Variants in CASTOR1 observed in about 807,000 individuals in gnomAD.
CASTOR1 encodes GATS protein like 3.
Under a neutral mutation model 33.7 loss-of-function variants are expected in CASTOR1, and 18 were observed. The observed-to-expected ratio is 0.53, with a 90% CI of 0.37 to 0.79. The LOEUF (loss-of-function observed/expected upper bound fraction) is 0.79, where lower values mean the gene tolerates loss of function less well. Ranked by LOEUF, CASTOR1 falls within the 30% of genes least tolerant of loss-of-function variation. CASTOR1 has a pLI of 0.00. For synonymous variants in CASTOR1, 175 were observed against 190.6 expected (o/e 0.92, Z 0.67); for missense variants, 362 against 446.3 (o/e 0.81, Z 1.70).
At chr22:30,286,408 C>A in intron 5 of CASTOR1, 32 bp from the exon 6 acceptor site, 1 of 1,417,544 alleles carries the variant, frequency 7.1e-7, no homozygotes, top group Non-Finnish European at 1.0e-6. Flanking sequence ...AGGGGCTCTA[C>A]CAGGCACCCA....
In CASTOR1 at chr22:30,285,529, T is replaced by G; in HGVS notation, c.*91A>C. ...GAGGGTCCCCAGCAGAACAGGGGGC[T>G]CGTTCCAGAGCTTAAGGAAATAGCT... On this transcript the variant is annotated 3_prime_UTR_variant, in exon 9 of 9. Coordinates refer to ENST00000407689, the MANE Select transcript of CASTOR1 (RefSeq NM_001037666.3). The G allele has an allele frequency of 1.9e-6, 2 of 1,055,084 alleles. No homozygotes were observed. Among genetic ancestry groups the G allele is most frequent in the South Asian group, 1.5e-5 (1 of 68,492 alleles). The allele number at this position is 1,055,084 out of a possible 1,614,324, so 65.4% of individuals were successfully genotyped here. A position where few individuals can be genotyped will look rare whatever the true frequency, so the allele number is the denominator to read the frequency against.
intron 1 of CASTOR1, 191 bp from the exon 2 acceptor site, chr22:30,288,967 C>T (rs989510156): frequency 1.8e-6 from 1 of 568,978 alleles, no homozygotes; most frequent in Middle Eastern, 4.7e-4. Context: ...TCCGGCCTCC[C>T]GACCTCTCCA....
rs761053103 is a variant in CASTOR1 at position 30,286,943 on chromosome 22, T to A, written c.511A>T (p.Ser171Cys). The change falls in exon 5 of 9, where the codon AGC becomes TGC. Residue 171 changes from serine to cysteine, a missense_variant. By Grantham distance (112) the Ser-to-Cys change is moderately radical (BLOSUM62 -1). Coordinates refer to ENST00000407689, the MANE Select transcript of CASTOR1 (RefSeq NM_001037666.3). ...NGFPRTQHGP[S>C]PTVHPIQSPQ... ...CTCTGGATGGGATGCACCGTGGGGCTGGGCCCTGCTGGAGGACAGCAGCAG... is the reference window on the plus strand; with the variant it reads ...CTCTGGATGGGATGCACCGTGGGGCAGGGCCCTGCTGGAGGACAGCAGCAG... The A allele has an allele frequency of 1.2e-6, 2 of 1,611,004 alleles. No homozygotes were observed. The highest frequency in any genetic ancestry group is 2.7e-5 in the African/African-American group (2 of 74,804).
chr22:30,286,569 C>T, intron 5 of CASTOR1, 193 bp from the exon 6 acceptor site: 1 of 662,274 alleles, frequency 1.5e-6, no homozygotes, highest in Non-Finnish European at 2.6e-6. Context: ...TGAACCCAGC[C>T]TGTGCCAAAA....
Position 30,289,432 on chromosome 22 carries a change from G to A in CASTOR1, c.66C>T (p.Leu22=), listed in dbSNP as rs1011002665. 2 of 1,601,198 alleles carry A rather than the reference G, an allele frequency of 1.2e-6. No individual in the cohort carries two copies. Among genetic ancestry groups the A allele is most frequent in the East Asian group, 2.3e-5 (1 of 44,048 alleles). ...VLSVARPGLW[L]YTHPLIKLLF... is the part of the protein sequence containing the mutation. ...GCAGCTTGATGAGCGGGTGGGTGTA[G>A]AGCCAGAGACCGGGACGGGCGACGC... is the stretch of plus-strand genomic sequence containing the variant. Residue 22 remains leucine (L), a synonymous_variant, in exon 1 of 9, where the codon CTC becomes CTT. Transcript: ENST00000407689.
At chr22:30,286,742 A>C in intron 5 of CASTOR1, 83 bp downstream of exon 5, 1 of 1,573,786 alleles carries the variant, frequency 6.4e-7, no homozygotes, top group Non-Finnish European at 8.7e-7. Flanking sequence ...CAAGAGGTGC[A>C]AAACTGATAG....
chr22:30,286,934 C>G lies in CASTOR1; in HGVS notation c.520G>C (p.Val174Leu). 1.9e-6 allele frequency: 3 copies of G among 1,613,020 alleles called. No homozygotes were observed. The highest frequency in any genetic ancestry group is 2.5e-6 in the Non-Finnish European group (3 of 1,179,198). ...TTCTGTGGGCTCTGGATGGGATGCACCGTGGGGCTGGGCCCTGCTGGAGGA... is the reference window on the plus strand; with the variant it reads ...TTCTGTGGGCTCTGGATGGGATGCAGCGTGGGGCTGGGCCCTGCTGGAGGA... ...PRTQHGPSPT[V>L]HPIQSPQNRF... The change falls in exon 5 of 9, where the codon GTG becomes CTG. Residue 174 changes from valine to leucine, a missense_variant. Physicochemically the swap from Val to Leu is conservative, Grantham distance 32 (BLOSUM62 1). Transcript: ENST00000407689.
intron 8 of CASTOR1, 35 bp downstream of exon 8, chr22:30,285,797 T>A: frequency 6.3e-7 from 1 of 1,584,882 alleles, no homozygotes; most frequent in Non-Finnish European, 8.6e-7. Flanking sequence ...TTTCTGGGCC[T>A]CACTCTCCCC....
intron 1 of CASTOR1, chr22:30,289,098 G>A: frequency 1.8e-6 from 1 of 563,556 alleles, no homozygotes; most frequent in Non-Finnish European, 3.1e-6. Context: ...GAGGCGTCCT[G>A]GAAGGAGCTC....
chr22:30,289,324 TG>T, intron 1 of CASTOR1, 60 bp downstream of exon 1: 1 of 1,223,774 alleles, frequency 8.2e-7, no homozygotes, highest in Non-Finnish European at 1.2e-6. Context: ...CCTCCGACCC[TG>T]GCCCGGAGCG....
chr22:30,286,830 C>A lies in CASTOR1; in HGVS notation c.624G>T (p.Ser208=). 6.2e-7 allele frequency: 1 copy of A among 1,613,974 alleles called. No individual in the cohort carries two copies. Among genetic ancestry groups the A allele is most frequent in the Admixed American group, 1.7e-5 (1 of 60,022 alleles). The stretch of plus-strand genomic sequence containing the variant: ...GACGAAGTTCCAAGGTCCACCTGTG[C>A]GAGTAGAAGAGGACATCTATGAGGG... ...ATTLIDVLFY[S]HSTPKEAASS... is the part of the protein sequence containing the mutation. Residue 208 remains serine, a synonymous_variant, in exon 5 of 9, where the codon TCG becomes TCT. Coordinates refer to ENST00000407689, the MANE Select transcript of CASTOR1 (RefSeq NM_001037666.3).
rs1929728694 is a variant in CASTOR1, at chr22:30,285,430, T to C, written c.*190A>G. On this transcript the variant is annotated 3_prime_UTR_variant, in exon 9 of 9. Transcript: ENST00000407689. Reference sequence around the variant, plus strand: ...CGCAGTCAGGCTAGCACCTGCCCACTCCACCTGTGAGTGTACACAGGTGTC... The same window carrying C: ...CGCAGTCAGGCTAGCACCTGCCCACCCCACCTGTGAGTGTACACAGGTGTC... 1.8e-6 allele frequency: 1 copy of C among 549,826 alleles called. No individual in the cohort carries two copies. Among genetic ancestry groups the C allele is most frequent in the East Asian group, 3.3e-5 (1 of 30,288 alleles). 34.1% of individuals were successfully genotyped at this position (549,826 alleles called of 1,614,324 possible).
chr22:30,289,395 G>A lies in CASTOR1; in HGVS notation c.103C>T (p.Arg35Cys), dbSNP rs200243403. 606 of 1,591,144 alleles carry A rather than the reference G, an allele frequency of 3.8e-4. 5 individuals carry two copies. In the Middle Eastern group the frequency reaches 4.0e-3, roughly 10 times the overall value. Residue 35 changes from arginine (R) to cysteine (C), a missense_variant, in exon 1 of 9, where the codon CGC (arginine) becomes TGC (cysteine). Transcript: ENST00000407689. ...AACCCGGGCGCGCACCGGCTGCGGC[G>A]GGGCAGGAAGAGCAGCTTGATGAGC... ...HPLIKLLFLP[R>C]RSRCKFFSLT...
At position 30,289,381 on chromosome 22, in the gene CASTOR1, G is replaced by A. The variant is rs753435412; in HGVS notation, c.113+4C>T. On this transcript the variant is annotated splice_donor_region_variant and intron_variant, in intron 1 of 8. Transcript: ENST00000407689. ...TATCTGCGCTCCCGAACCCGGGCGC[G>A]CACCGGCTGCGGCGGGGCAGGAAGA... 5.6e-6 allele frequency: 9 copies of A among 1,596,012 alleles called. No individual in the cohort carries two copies. The South Asian group carries it at 6.7e-5, about 12-fold the overall frequency.
At chr22:30,289,302 G>A in intron 1 of CASTOR1, 83 bp downstream of exon 1, 5 of 1,051,844 alleles carry the variant, frequency 4.8e-6, no homozygotes, top group Non-Finnish European at 7.1e-6. Context: ...CCTGCCTTAC[G>A]GCGATCCTAA....
In CASTOR1 at chr22:30,286,074, G is replaced by A. The variant is rs1929756121; in HGVS notation, c.768C>T (p.Thr256=). The A allele has an allele frequency of 1.9e-6, 3 of 1,579,612 alleles. No individual in the cohort carries two copies. Among genetic ancestry groups the A allele is most frequent in the African/African-American group, 2.7e-5 (2 of 74,402 alleles). The change falls in exon 7 of 9, where the codon ACC becomes ACT. Residue 256 remains threonine (T), a synonymous_variant. Coordinates refer to ENST00000407689, the MANE Select transcript of CASTOR1 (RefSeq NM_001037666.3). The stretch of plus-strand genomic sequence containing the variant: ...TCCTCCACAGCTCCCCCGAGGAGCT[G>A]GTCAGCAGGAGGTCACTGGGGAACC... ...QKKFPSDLLL[T]SSSGELWRMV... is the part of the protein sequence containing the mutation.
Position 30,289,485 on chromosome 22 carries a change from T to C in CASTOR1, c.13A>G (p.Ile5Val), listed in dbSNP as rs2145755915. 6.3e-7 allele frequency: 1 copy of C among 1,578,938 alleles called. No individual in the cohort carries two copies. The highest frequency in any genetic ancestry group is 8.6e-7 in the Non-Finnish European group (1 of 1,168,432). Residue 5 changes from isoleucine (I) to valine (V), a missense_variant, in exon 1 of 9, where the codon ATC (isoleucine) becomes GTC (valine). Transcript: ENST00000407689. ...AGCACCCGCACCCGGTGTTCTAGGA[T>C]GTGCAGCTCCATCGCGGCTCGCGCG... MELH[I>V]LEHRVRVLSV...
At chr22:30,286,438 G>C (rs1314659376) in intron 5 of CASTOR1, 62 bp from the exon 6 acceptor site, 4 of 1,146,486 alleles carry the variant, frequency 3.5e-6, no homozygotes, top group Admixed American at 3.7e-5. Flanking sequence ...CCCTGCTCCC[G>C]ATCAGCCTCC....
rs201464855 is a variant in CASTOR1, at chr22:30,286,876, G to C, written c.578C>G (p.Thr193Arg). Residue 193 changes from threonine (T) to arginine (R), a missense_variant, in exon 5 of 9, where the codon ACG becomes AGG. Coordinates refer to ENST00000407689, the MANE Select transcript of CASTOR1 (RefSeq NM_001037666.3). ...RFCVLTLDPE[T>R]LPAIATTLID... ...GAGGGTGGTGGCGATGGCTGGAAGC[G>C]TCTCAGGGTCCAGTGTGAGGACACA... The C allele has an allele frequency of 6.2e-7, 1 of 1,614,208 alleles. No individual in the cohort carries two copies.
Sources: allele counts gnomAD v4.1 joint callset, GRCh38; gene constraint gnomAD v4.1.1; transcripts MANE v1.5; gene names NCBI Gene and HGNC (gene_info 2026-07-23, HGNC 2026-07-21).